C2orf49: variants seen among roughly 807,000 people sequenced by gnomAD.
C2orf49 encodes the protein tRNA-splicing ligase complex subunit ASW.
C2orf49 carries 11 observed loss-of-function variants against 20.6 expected under a neutral mutation model. That is an observed-to-expected ratio of 0.53 (90% CI 0.34 to 0.88). The LOEUF is 0.88. Ranked by LOEUF, C2orf49 falls within the 40% of genes least tolerant of loss-of-function variation. C2orf49 has a pLI of 0.02. For missense variants in C2orf49, 289 were observed against 274.2 expected (o/e 1.05, Z -0.38); for synonymous variants, 134 against 108.5 (o/e 1.24, Z -1.46).
In C2orf49 at chr2:105,346,767, C is replaced by G. The variant is rs377125567; in HGVS notation, c.*1396C>G. On this transcript the variant is annotated 3_prime_UTR_variant, in exon 4 of 4. Transcript: ENST00000258457. ...TATAGACAATTCCCACATGGCTGTT[C>G]TACACAGAATTACCTGCTAAGATTT... is the stretch of plus-strand genomic sequence containing the variant. 3 of 152,316 alleles carry G rather than the reference C, an allele frequency of 2.0e-5. No individual in the cohort carries two copies. The highest frequency in any genetic ancestry group is 7.2e-5 in the African/African-American group (3 of 41,572). 9.4% of individuals were successfully genotyped at this position (152,316 alleles called of 1,614,324 possible). A position where few individuals can be genotyped will look rare whatever the true frequency, so the allele number is the denominator to read the frequency against.
chr2:105,340,078 A>G (rs1679625614), intron 2 of C2orf49, among the ~76,000 whole-genome samples: 1 of 152,228 alleles, frequency 6.6e-6, no homozygotes, highest in African/African-American at 2.4e-5. Context: ...GGAAGAAGAA[A>G]ACAAGCTAGG....
At position 105,346,332 on chromosome 2, in the gene C2orf49, A is replaced by T. The variant is rs952057225; in HGVS notation, c.*961A>T. 1.3e-5 allele frequency: 2 copies of T among 152,192 alleles called. No individual in the cohort carries two copies. Among genetic ancestry groups the T allele is most frequent in the African/African-American group, 4.8e-5 (2 of 41,440 alleles). 9.4% of individuals were successfully genotyped at this position (152,192 alleles called of 1,614,324 possible). On this transcript the variant is annotated 3_prime_UTR_variant, in exon 4 of 4. Transcript: ENST00000258457. ...TTTCCTTGAAGTTGTAACAATTGAT[A>T]CATATATTATGAGTTGACTGGTCGA...
the C2orf49 span, among the ~76,000 whole-genome samples, chr2:105,364,511 G>A: frequency 1.3e-5 from 2 of 152,166 alleles, no homozygotes; most frequent in Non-Finnish European, 2.9e-5. Context: ...AGCCACATGA[G>A]GTGGAACTGG....
At chr2:105,363,073 A>G in the C2orf49 span, 1 of 565,684 alleles carries the variant, frequency 1.8e-6, no homozygotes, top group Non-Finnish European at 3.2e-6. Flanking sequence ...TATGGTTGTG[A>G]TCAGGTGGGC....
At chr2:105,351,711 C>G (rs1679941684), downstream of C2orf49, among the ~76,000 whole-genome samples, 2 of 152,118 alleles carry the variant, frequency 1.3e-5, no homozygotes, top group Non-Finnish European at 2.9e-5. Flanking sequence ...TTGTATATTT[C>G]TTGCTCAAGC....
rs1350792474 is a variant in C2orf49 at position 105,346,950 on chromosome 2, ATGAT to A, written c.*1584_*1587del. The A allele has an allele frequency of 6.6e-6, 1 of 152,182 alleles. No homozygotes were observed. Among genetic ancestry groups the A allele is most frequent in the Non-Finnish European group, 1.5e-5 (1 of 68,022 alleles). 9.4% of individuals were successfully genotyped at this position (152,182 alleles called of 1,614,324 possible). A position where few individuals can be genotyped will look rare whatever the true frequency, so the allele number is the denominator to read the frequency against. ...GGATACTTCATACTTTTTTCGTTAT[ATGAT>A]TGATCTTCAAATTGGGATTTACCTT... On this transcript the variant is annotated 3_prime_UTR_variant, in exon 4 of 4. Coordinates refer to ENST00000258457, the MANE Select transcript of C2orf49 (RefSeq NM_024093.3).
chr2:105,379,003 A>T, the C2orf49 span, among the ~76,000 whole-genome samples: 2 of 152,136 alleles, frequency 1.3e-5, no homozygotes, highest in Non-Finnish European at 2.9e-5. Context: ...CATCTCTTGT[A>T]TCACTGTGGG....
the C2orf49 span, among the ~76,000 whole-genome samples, chr2:105,374,918 G>C: frequency 6.6e-6 from 1 of 152,306 alleles, no homozygotes; most frequent in African/African-American, 2.4e-5. Context: ...CTTCCAGTTG[G>C]TAGGTATCCT....
intron 1 of C2orf49, among the ~76,000 whole-genome samples, chr2:105,337,937 A>G (rs1341353715): frequency 1.3e-5 from 2 of 152,154 alleles, no homozygotes; most frequent in African/African-American, 4.8e-5. Context: ...GATGGCTTGT[A>G]AAGAGGAGTC....
At chr2:105,362,569 G>A in the C2orf49 span, among the ~76,000 whole-genome samples, 2 of 152,126 alleles carry the variant, frequency 1.3e-5, no homozygotes, top group Non-Finnish European at 2.9e-5. Flanking sequence ...GAATGCAACG[G>A]GATTGCAAAT....
the C2orf49 span, among the ~76,000 whole-genome samples, chr2:105,370,612 T>C: frequency 2.0e-5 from 3 of 151,732 alleles, no homozygotes; most frequent in African/African-American, 7.3e-5. Flanking sequence ...TTTTCACTTG[T>C]CCTCTAAATG....
downstream of C2orf49, among the ~76,000 whole-genome samples, chr2:105,350,729 A>G (rs550157414): frequency 9.2e-5 from 14 of 152,314 alleles, no homozygotes; most frequent in South Asian, 2.1e-4. Flanking sequence ...GCCTTGCTAT[A>G]TAAGTTTTTA....
the C2orf49 span, among the ~76,000 whole-genome samples, chr2:105,354,403 G>T: frequency 1.3e-5 from 2 of 152,104 alleles, no homozygotes; most frequent in African/African-American, 4.8e-5. Context: ...GGTGGCTCAC[G>T]CCTGTAATCC....
At chr2:105,363,475 C>T in the C2orf49 span, 1 of 1,602,532 alleles carries the variant, frequency 6.2e-7, no homozygotes. Context: ...TGATGGGCTG[C>T]AGGGACGAGG....
chr2:105,365,225 A>G, the C2orf49 span, among the ~76,000 whole-genome samples: 4 of 152,156 alleles, frequency 2.6e-5, no homozygotes, highest in Non-Finnish European at 5.9e-5. Flanking sequence ...TCTCCTCCAT[A>G]GCACACTGCT....
In C2orf49 at chr2:105,343,105, A is replaced by C. The variant is rs1215169370; in HGVS notation, c.524A>C (p.His175Pro). Residue 175 changes from histidine (H) to proline (P), a missense_variant, in exon 3 of 4, where the codon CAT becomes CCT. By Grantham distance (77) the His-to-Pro change is moderately conservative. Transcript: ENST00000258457. The stretch of plus-strand genomic sequence containing the variant: ...AATAATAATGACGCTAAACAGAACC[A>C]TGACTTAACGCATAGGAAAAGTCCT... Reference protein sequence around the residue: ...EHNNNDAKQNHDLTHRKSPSG... With the variant: ...EHNNNDAKQNPDLTHRKSPSG... 1 of 1,614,138 alleles carries C rather than the reference A, an allele frequency of 6.2e-7. No individual in the cohort carries two copies. Among genetic ancestry groups the C allele is most frequent in the Non-Finnish European group, 8.5e-7 (1 of 1,180,060 alleles).
the C2orf49 span, among the ~76,000 whole-genome samples, chr2:105,357,190 A>G: frequency 1.3e-5 from 2 of 152,030 alleles, no homozygotes; most frequent in African/African-American, 4.8e-5. Context: ...CATTACACAT[A>G]TGTTGGTATG....
rs1431141173 is a variant in C2orf49 at position 105,343,192 on chromosome 2, G to C, written c.611G>C (p.Arg204Thr). 1 of 1,605,454 alleles carries C rather than the reference G, an allele frequency of 6.2e-7. No individual in the cohort carries two copies. The highest frequency in any genetic ancestry group is 8.5e-7 in the Non-Finnish European group (1 of 1,176,692). ...PVGTTPVKLK[R>T]AAPKEEAEAM... is the part of the protein sequence containing the mutation. ...GGAACTACTCCAGTGAAGTTAAAGAGAGCTGCTCCTAAAGAAGAGGCAGAG... is the reference window on the plus strand; with the variant it reads ...GGAACTACTCCAGTGAAGTTAAAGACAGCTGCTCCTAAAGAAGAGGCAGAG... Residue 204 changes from arginine (R) to threonine (T), a missense_variant, in exon 3 of 4, where the codon AGA becomes ACA. Physicochemically the swap from Arg to Thr is moderately conservative, Grantham distance 71. Coordinates refer to ENST00000258457, the MANE Select transcript of C2orf49 (RefSeq NM_024093.3).
the C2orf49 span, among the ~76,000 whole-genome samples, chr2:105,369,174 C>T: frequency 6.6e-6 from 1 of 152,224 alleles, no homozygotes; most frequent in African/African-American, 2.4e-5. Flanking sequence ...CATGTGACTT[C>T]AACTGGGGGT....
Sources: gnomAD v4.1 joint callset for allele counts (sites outside exome capture counted in the v4.1 genomes callset) on GRCh38, gnomAD v4.1.1 for gene constraint, MANE v1.5 for transcripts, NCBI Gene and HGNC (gene_info 2026-07-23, HGNC 2026-07-21) for gene names.